LDLRAD4: variants seen among roughly 807,000 people sequenced by gnomAD.
LDLRAD4 encodes low-density lipoprotein receptor class A domain-containing protein 4.
In LDLRAD4, 5 loss-of-function variants were observed where a neutral mutation model predicts 17.0. That is an observed-to-expected ratio of 0.29 (90% CI 0.15 to 0.62). The LOEUF (loss-of-function observed/expected upper bound fraction) is 0.62. Among genes scored for constraint, LDLRAD4 ranks in the 20% least tolerant of loss-of-function variants. The probability of loss-of-function intolerance (pLI) is 0.84; values close to 1 mark genes in which losing one functional copy is unlikely to be tolerated. For missense variants in LDLRAD4, 340 were observed against 424.7 expected, an observed-to-expected ratio of 0.80 and a Z score of 1.75; for synonymous variants, 168 against 171.8, an observed-to-expected ratio of 0.98 and a Z score of 0.17.
At chr18:13,596,447 C>G (rs2095096725) in intron 3 of LDLRAD4, among the ~76,000 whole-genome samples, 1 of 152,074 alleles carries the variant, frequency 6.6e-6, no homozygotes, top group Non-Finnish European at 1.5e-5. Context: ...TCCTCCTATA[C>G]TGCTTTAAGT....
chr18:13,264,703 C>T (rs777848158), intron 1 of LDLRAD4, among the ~76,000 whole-genome samples: 1 of 152,220 alleles, frequency 6.6e-6, no homozygotes, highest in Non-Finnish European at 1.5e-5. Flanking sequence ...GGTGATTCTG[C>T]GTAGCCTCTC....
chr18:13,381,363 C>T (rs547674610), intron 1 of LDLRAD4, among the ~76,000 whole-genome samples: 17 of 152,326 alleles, frequency 1.1e-4, no homozygotes, highest in Non-Finnish European at 1.9e-4. Flanking sequence ...GCACCGTGCC[C>T]GCCCACTGTA....
At chr18:13,642,670 G>C in intron 4 of LDLRAD4, 1 of 1,231,494 alleles carries the variant, frequency 8.1e-7, no homozygotes, top group Non-Finnish European at 1.0e-6. Flanking sequence ...GGCCACCTCT[G>C]CCAGGGCTTC....
intron 4 of LDLRAD4, among the ~76,000 whole-genome samples, chr18:13,636,813 T>C (rs937470276): frequency 3.2e-4 from 49 of 151,400 alleles, no homozygotes; most frequent in African/African-American, 1.1e-3. Flanking sequence ...TTTTTTTTTT[T>C]CGAGATGGAG....
At chr18:13,306,932 A>G (rs891823609) in intron 1 of LDLRAD4, among the ~76,000 whole-genome samples, 1 of 152,210 alleles carries the variant, frequency 6.6e-6, no homozygotes, top group Non-Finnish European at 1.5e-5. Context: ...GGACGACTTA[A>G]TGGAGATAAG....
At chr18:13,272,235 C>T (rs1259944856) in intron 1 of LDLRAD4, among the ~76,000 whole-genome samples, 1 of 152,148 alleles carries the variant, frequency 6.6e-6, no homozygotes, top group East Asian at 1.9e-4. Context: ...CTGTGTGTGG[C>T]AGCTGCTCGG....
chr18:13,364,293 C>A (rs953221962), intron 1 of LDLRAD4, among the ~76,000 whole-genome samples: 1 of 152,160 alleles, frequency 6.6e-6, no homozygotes, highest in East Asian at 1.9e-4. Flanking sequence ...AACATCATTG[C>A]CATTATTGCT....
intron 2 of LDLRAD4, among the ~76,000 whole-genome samples, chr18:13,434,572 A>T (rs1047506992): frequency 6.6e-6 from 1 of 152,046 alleles, no homozygotes; most frequent in Non-Finnish European, 1.5e-5. Context: ...ATTTTTAAAA[A>T]TTTTCCATTG....
At chr18:13,519,606 T>C (rs941053307) in intron 3 of LDLRAD4, 1 of 151,848 alleles carries the variant, frequency 6.6e-6, no homozygotes, top group Admixed American at 6.6e-5. Context: ...ATTAAAAAAA[T>C]GCAAAAAAAT....
intron 3 of LDLRAD4, among the ~76,000 whole-genome samples, chr18:13,590,517 C>T (rs1447283331): frequency 6.6e-6 from 1 of 152,214 alleles, no homozygotes; most frequent in East Asian, 1.9e-4. Context: ...CTGCAGCTCC[C>T]GAAGGCCAGC....
chr18:13,350,626 T>G (rs2082984060), intron 1 of LDLRAD4, among the ~76,000 whole-genome samples: 3 of 152,220 alleles, frequency 2.0e-5, no homozygotes, highest in African/African-American at 7.2e-5. Flanking sequence ...CAGAAGCTCT[T>G]TAGTTTAATT....
intron 3 of LDLRAD4, among the ~76,000 whole-genome samples, chr18:13,477,782 A>G (rs1284362962): frequency 1.3e-5 from 2 of 152,194 alleles, no homozygotes; most frequent in African/African-American, 2.4e-5. Flanking sequence ...AAGGGGGTGC[A>G]GAAGAGGCGT....
At chr18:13,380,151 G>A (rs1041044967) in intron 1 of LDLRAD4, among the ~76,000 whole-genome samples, 121 of 152,342 alleles carry the variant, frequency 7.9e-4, no homozygotes, top group African/African-American at 2.8e-3. Flanking sequence ...AGACCAGAAT[G>A]CACGTCTGCT....
chr18:13,447,435 A>T (rs1040159052), intron 3 of LDLRAD4, among the ~76,000 whole-genome samples: 1 of 152,086 alleles, frequency 6.6e-6, no homozygotes, highest in Non-Finnish European at 1.5e-5. Context: ...CTTAAATGGT[A>T]ATTCTGCCTT....
chr18:13,281,798 T>C (rs1181826696), intron 1 of LDLRAD4, among the ~76,000 whole-genome samples: 1 of 152,188 alleles, frequency 6.6e-6, no homozygotes, highest in Non-Finnish European at 1.5e-5. Flanking sequence ...CCCGGACCTC[T>C]GTCTACCCAG....
At chr18:13,607,603 A>G (rs1390557153) in intron 3 of LDLRAD4, among the ~76,000 whole-genome samples, 1 of 148,608 alleles carries the variant, frequency 6.7e-6, no homozygotes, top group East Asian at 2.0e-4. Flanking sequence ...TGCCTCCCCC[A>G]GCCCCCAACA....
chr18:13,447,273 A>C (rs1406207896), intron 3 of LDLRAD4, among the ~76,000 whole-genome samples: 1 of 152,166 alleles, frequency 6.6e-6, no homozygotes, highest in Non-Finnish European at 1.5e-5. Flanking sequence ...AGGGGCTGTC[A>C]CTGGCAACAC....
At chr18:13,377,119 C>T (rs1484217048) in intron 1 of LDLRAD4, among the ~76,000 whole-genome samples, 1 of 152,188 alleles carries the variant, frequency 6.6e-6, no homozygotes, top group Non-Finnish European at 1.5e-5. Flanking sequence ...TGCCGGGCCC[C>T]GCAGGTGGCA....
At chr18:13,547,750 C>T (rs1231705058) in intron 3 of LDLRAD4, among the ~76,000 whole-genome samples, 1 of 152,204 alleles carries the variant, frequency 6.6e-6, no homozygotes, top group African/African-American at 2.4e-5. Flanking sequence ...CTAGGAAGTG[C>T]AGAGCCCCAA....
Sources: gnomAD v4.1 joint callset for allele counts (sites outside exome capture counted in the v4.1 genomes callset) on GRCh38, gnomAD v4.1.1 for gene constraint, MANE v1.5 for transcripts, NCBI Gene and HGNC (gene_info 2026-07-23, HGNC 2026-07-21) for gene names.